The following DLGAP1 variants were observed in gnomAD, a reference collection of about 807,000 sequenced individuals.
DLGAP1 encodes the protein disks large-associated protein 1.
In DLGAP1, 11 loss-of-function variants were observed where a neutral mutation model predicts 90.8. That is an observed-to-expected ratio of 0.12 (90% confidence interval 0.08 to 0.20). DLGAP1 has a LOEUF of 0.20. Among genes scored for constraint, DLGAP1 ranks in the 10% least tolerant of loss-of-function variants. The pLI, the probability that DLGAP1 is intolerant of heterozygous loss-of-function variation, is 1.00. For missense variants in DLGAP1, 1,050 were observed against 1,333.8 expected (o/e 0.79, Z 3.31); for synonymous variants, 558 against 540.7 (o/e 1.03, Z -0.44).
chr18:3,628,439 C>T (rs554447789), intron 7 of DLGAP1, among the ~76,000 whole-genome samples: 1 of 152,162 alleles, frequency 6.6e-6, no homozygotes, highest in East Asian at 1.9e-4. Context: ...CCACCCACCT[C>T]AGCCTCCCAG....
intron 3 of DLGAP1, among the ~76,000 whole-genome samples, chr18:3,915,424 C>A (rs1199400527): frequency 6.6e-6 from 1 of 152,128 alleles, no homozygotes; most frequent in Non-Finnish European, 1.5e-5. Flanking sequence ...CAGTTCACTG[C>A]AGTGCAGCTC....
chr18:3,653,809 C>CCGA lies in DLGAP1; in HGVS notation c.1592-71562_1592-71561insTCG, dbSNP rs2059392937. On this transcript the variant is annotated intron_variant, in intron 7 of 12. Transcript: ENST00000315677. This position sits in a 1 kb window ranked among gnomAD's most constrained non-coding sequence, Gnocchi z 4.6. ...CATTTCTGACAGTGGATTTCTTCCACTGATGTGCACACTCTTTGACATGAA... is the reference window on the plus strand; with the variant it reads ...CATTTCTGACAGTGGATTTCTTCCACCGATGATGTGCACACTCTTTGACATGAA... The CCGA allele has an allele frequency of 6.6e-6, 1 of 152,114 alleles. No homozygotes were observed. Among genetic ancestry groups the CCGA allele is most frequent in the Non-Finnish European group, 1.5e-5 (1 of 68,024 alleles). The allele number at this position is 152,114 out of a possible 1,614,324, so 9.4% of individuals were successfully genotyped here.
At chr18:4,301,699 C>G (rs2080130416) in intron 1 of DLGAP1, among the ~76,000 whole-genome samples, 1 of 152,100 alleles carries the variant, frequency 6.6e-6, no homozygotes, top group Non-Finnish European at 1.5e-5. Context: ...TATAATAATT[C>G]TATTTTTAAA....
chr18:3,772,359 TC>T lies in DLGAP1; in HGVS notation c.1173-29848del, dbSNP rs2064678928. Among the ~76,000 whole-genome samples, 10 of 4,420 alleles carry T rather than the reference TC, an allele frequency of 2.3e-3. 1 individual carries two copies. The highest frequency in any genetic ancestry group is 0.083 in the Middle Eastern group (1 of 12). The allele number at this position is 4,420 out of a possible 152,430, so 2.9% of individuals were successfully genotyped here. On this transcript the variant is annotated intron_variant, in intron 5 of 12. Coordinates refer to ENST00000315677, the MANE Select transcript of DLGAP1 (RefSeq NM_004746.4). Reference sequence around the variant, plus strand: ...CTCTCTCTCTCTCTCTTTCTTTCTTTCTTTCTTTCTTTCTTTCTTTCTTTCT... The same window carrying T: ...CTCTCTCTCTCTCTCTTTCTTTCTTTTTTCTTTCTTTCTTTCTTTCTTTCT...
chr18:4,141,694 T>G (rs1025423350), intron 2 of DLGAP1, among the ~76,000 whole-genome samples: 2 of 151,840 alleles, frequency 1.3e-5, no homozygotes, highest in Non-Finnish European at 2.9e-5. Flanking sequence ...TATTTTCAAA[T>G]AGCCTGTCCT....
At position 3,927,875 on chromosome 18, in the gene DLGAP1, G is replaced by C. The variant is rs536123491; in HGVS notation, c.-72-47735C>G. On this transcript the variant is annotated intron_variant, in intron 3 of 12. Transcript: ENST00000315677. ...CATGAATGTTTTTTAAAAATGTCGA[G>C]TGATTTAGATTTCTGTTGGCTTGTA... 2.0e-5 allele frequency among the ~76,000 whole-genome samples: 3 copies of C among 152,266 alleles called. No individual in the cohort carries two copies. The South Asian group carries it at 6.2e-4, about 32-fold the overall frequency.
intron 4 of DLGAP1, among the ~76,000 whole-genome samples, chr18:3,875,572 C>T (rs2070978028): frequency 6.6e-6 from 1 of 152,134 alleles, no homozygotes; most frequent in Non-Finnish European, 1.5e-5. Flanking sequence ...CAACGTGTTG[C>T]CACATACTAG....
chr18:3,765,333 T>C (rs1005154993), intron 5 of DLGAP1, among the ~76,000 whole-genome samples: 6 of 150,550 alleles, frequency 4.0e-5, no homozygotes, highest in African/African-American at 1.2e-4. Context: ...GGTTTCACCA[T>C]GTTAGCCAGG....
At chr18:3,675,895 A>C (rs1029913096) in intron 7 of DLGAP1, among the ~76,000 whole-genome samples, 4 of 152,222 alleles carry the variant, frequency 2.6e-5, no homozygotes, top group African/African-American at 9.6e-5. Context: ...AAAATTATTA[A>C]AACTTTCATA....
intron 1 of DLGAP1, among the ~76,000 whole-genome samples, chr18:4,372,289 A>G (rs915581497): frequency 5.3e-5 from 8 of 152,226 alleles, no homozygotes; most frequent in African/African-American, 1.9e-4. Flanking sequence ...CTTCATTACT[A>G]CTTCATTCAT....
At chr18:4,257,108 G>A (rs1362442618) in intron 1 of DLGAP1, among the ~76,000 whole-genome samples, 1 of 152,152 alleles carries the variant, frequency 6.6e-6, no homozygotes, top group Non-Finnish European at 1.5e-5. Context: ...AGATAGTTAT[G>A]GTTAGTTATG....
At position 3,742,470 on chromosome 18, in the gene DLGAP1, A is replaced by G; in HGVS notation, c.1215T>C (p.His405=). The change falls in exon 6 of 13, where the codon CAT becomes CAC. Residue 405 remains histidine (H), a synonymous_variant. Transcript: ENST00000315677. ...CTTCACTCACTGCCCTCAGGTAACT[A>G]TGACTCCGGATCTGGAGTTTGGGTG... is the stretch of plus-strand genomic sequence containing the variant. ...EHSPKLQIRS[H]SYLRAVSEVS... is the part of the protein sequence containing the mutation. 2 of 1,614,156 alleles carry G rather than the reference A, an allele frequency of 1.2e-6. No individual in the cohort carries two copies. Among genetic ancestry groups the G allele is most frequent in the Non-Finnish European group, 1.7e-6 (2 of 1,180,032 alleles).
At chr18:4,186,560 A>G (rs1276501291) in intron 1 of DLGAP1, among the ~76,000 whole-genome samples, 1 of 152,146 alleles carries the variant, frequency 6.6e-6, no homozygotes, top group African/African-American at 2.4e-5. Context: ...TGTTTTTATC[A>G]TCTTTGTCAA....
rs571231984 is a variant in DLGAP1 at position 4,104,046 on chromosome 18, G to A, written c.-159+47134C>T. 2.3e-4 allele frequency among the ~76,000 whole-genome samples: 35 copies of A among 152,222 alleles called. No individual in the cohort carries two copies. The South Asian group carries it at 7.0e-3, about 31-fold the overall frequency. ...TTCTTTAATCTAATTTGGTATCAGA[G>A]TTTTGTTAGCCTTTTCTAATTCCAG... On this transcript the variant is annotated intron_variant, in intron 2 of 12. Coordinates refer to ENST00000315677, the MANE Select transcript of DLGAP1 (RefSeq NM_004746.4).
intron 8 of DLGAP1, among the ~76,000 whole-genome samples, chr18:3,573,649 T>G: frequency 6.6e-6 from 1 of 152,070 alleles, no homozygotes; most frequent in South Asian, 2.1e-4. Flanking sequence ...TTTTCTTCAC[T>G]TTTTTTGCAC....
rs2054401696 is a variant in DLGAP1, at chr18:3,565,886, C to CT, written c.2057+1603dup. On this transcript the variant is annotated intron_variant, in intron 9 of 12. Coordinates refer to ENST00000315677, the MANE Select transcript of DLGAP1 (RefSeq NM_004746.4). This position sits in a 1 kb window ranked among gnomAD's most constrained non-coding sequence, Gnocchi z 4.0. ...AAACAAAAAAAAATGATTACTAAAACTTTTCAGAGTAAAAGAAAAAAGTCA... is the reference window on the plus strand; with the variant it reads ...AAACAAAAAAAAATGATTACTAAAACTTTTTCAGAGTAAAAGAAAAAAGTCA... Among the ~76,000 whole-genome samples, 1 of 151,906 alleles carries CT rather than the reference C, an allele frequency of 6.6e-6. No individual in the cohort carries two copies. The highest frequency in any genetic ancestry group is 6.6e-5 in the Admixed American group (1 of 15,236).
At chr18:4,245,666 G>C (rs1057452084) in intron 1 of DLGAP1, among the ~76,000 whole-genome samples, 1 of 152,214 alleles carries the variant, frequency 6.6e-6, no homozygotes, top group African/African-American at 2.4e-5. Flanking sequence ...AGGAAATAAT[G>C]ATGTATCATC....
rs116297025 is a variant in DLGAP1, at chr18:4,176,658, T to C, written c.-266-25371A>G. ...GTAGCCTACAGGTTGCTGATATTAATACTATTACTAATGCATAGCACTGGT... is the reference window on the plus strand; with the variant it reads ...GTAGCCTACAGGTTGCTGATATTAACACTATTACTAATGCATAGCACTGGT... On this transcript the variant is annotated intron_variant, in intron 1 of 12. Transcript: ENST00000315677. 1.6e-3 allele frequency among the ~76,000 whole-genome samples: 244 copies of C among 152,342 alleles called. 2 individuals carry two copies. The highest frequency in any genetic ancestry group is 5.7e-3 in the African/African-American group (235 of 41,580).
chr18:4,341,600 GTTTCT>G (rs1334829329), intron 1 of DLGAP1, among the ~76,000 whole-genome samples: 3 of 151,996 alleles, frequency 2.0e-5, no homozygotes, highest in Non-Finnish European at 2.9e-5. Context: ...GACATTTGGG[GTTTCT>G]TTTATGTCTC....
Sources: gnomAD v4.1 joint callset for allele counts (sites outside exome capture counted in the v4.1 genomes callset) on GRCh38, gnomAD v4.1.1 for gene constraint, Gnocchi (gnomAD v3.1) non-coding constraint, MANE v1.5 for transcripts, NCBI Gene and HGNC (gene_info 2026-07-23, HGNC 2026-07-21) for gene names.